Variants in GCSAM observed in about 807,000 individuals in gnomAD.
The protein encoded by GCSAM is germinal center-associated signaling and motility protein.
A neutral mutation model predicts 17.6 loss-of-function variants in GCSAM; 8 were observed. That is an observed-to-expected ratio of 0.46 (90% CI 0.27 to 0.82). GCSAM has a LOEUF of 0.82. Ranked by LOEUF, GCSAM falls within the 40% of genes least tolerant of loss-of-function variation. The pLI is 0.15. For synonymous variants in GCSAM, 68 were observed against 69.0 expected (o/e 0.98, Z 0.07); for missense variants, 192 against 213.5 (o/e 0.90, Z 0.63).
At chr3:112,130,082 A>G (rs754548453) in intron 2 of GCSAM, 4 of 210,378 alleles carry the variant, frequency 1.9e-5, no homozygotes, top group Non-Finnish European at 3.9e-5. Flanking sequence ...CACTTCAGAA[A>G]TAGACACCTA....
intron 5 of GCSAM, among the ~76,000 whole-genome samples, chr3:112,124,770 G>A (rs183473708): frequency 6.6e-6 from 1 of 152,310 alleles, no homozygotes; most frequent in African/African-American, 2.4e-5. Context: ...AAGCAAAGCA[G>A]CAAAGTACAG....
chr3:112,122,797 A>G lies in GCSAM; in HGVS notation c.*658T>C, dbSNP rs1461618481. 6.6e-6 allele frequency: 1 copy of G among 152,202 alleles called. No homozygotes were observed. The highest frequency in any genetic ancestry group is 1.5e-5 in the Non-Finnish European group (1 of 68,048). The allele number at this position is 152,202 out of a possible 1,614,324, so 9.4% of individuals were successfully genotyped here. A position where few individuals can be genotyped will look rare whatever the true frequency, so the allele number is the denominator to read the frequency against. On this transcript the variant is annotated 3_prime_UTR_variant, in exon 6 of 6. Transcript: ENST00000308910. The stretch of plus-strand genomic sequence containing the variant: ...GGATCGTTCTTCTTAACATTGTCTG[A>G]TGGCATAATTGTCTTATTAAGATTT...
chr3:112,123,388 T>C lies in GCSAM; in HGVS notation c.*67A>G. 6.4e-7 allele frequency: 1 copy of C among 1,568,116 alleles called. No individual in the cohort carries two copies. The highest frequency in any genetic ancestry group is 8.6e-7 in the Non-Finnish European group (1 of 1,157,272). On this transcript the variant is annotated 3_prime_UTR_variant, in exon 6 of 6. Transcript: ENST00000308910. ...GAGGGACTTTGTGTCCCATCCCTGC[T>C]TCAGGCAGATCCCCCATCCCACCTT...
intron 3 of GCSAM, among the ~76,000 whole-genome samples, chr3:112,127,769 G>A (rs547497291): frequency 2.0e-5 from 3 of 152,274 alleles, no homozygotes; most frequent in Non-Finnish European, 4.4e-5. Flanking sequence ...TGTTTTCTAC[G>A]TTAGTAGCTA....
chr3:112,130,457 T>C lies in GCSAM; in HGVS notation c.86A>G (p.Gln29Arg). The change falls in exon 2 of 6, where the codon CAG (glutamine) becomes CGG (arginine). Residue 29 changes from glutamine to arginine, a missense_variant. Coordinates refer to ENST00000308910, the MANE Select transcript of GCSAM (RefSeq NM_152785.5). ...ATTTTGCTCTCACCTGGATGTTCTC[T>C]GTTTGGGGCTTTGCATTCTCACATT... ...PWNVRMQSPK[Q>R]RTSRCWDHHI... 1 of 1,614,028 alleles carries C rather than the reference T, an allele frequency of 6.2e-7. No homozygotes were observed. The highest frequency in any genetic ancestry group is 2.2e-5 in the East Asian group (1 of 44,874).
chr3:112,132,749 G>A (rs1181610005), intron 1 of GCSAM: 18 of 691,798 alleles, frequency 2.6e-5, no homozygotes, highest in Non-Finnish European at 3.2e-5. Context: ...CCTCCTTGTG[G>A]AGCATGAGGA....
In GCSAM at chr3:112,122,295, C is replaced by G. The variant is rs1283044004; in HGVS notation, c.*1160G>C. On this transcript the variant is annotated 3_prime_UTR_variant, in exon 6 of 6. Transcript: ENST00000308910. Reference sequence around the variant, plus strand: ...GGGCCTATGGTCCATGTCACAATTACTCAACTCTCCCATGGTTGAACAATC... The same window carrying G: ...GGGCCTATGGTCCATGTCACAATTAGTCAACTCTCCCATGGTTGAACAATC... The G allele has an allele frequency of 6.6e-6, 1 of 152,194 alleles. No homozygotes were observed. The highest frequency in any genetic ancestry group is 1.9e-4 in the East Asian group (1 of 5,196). 9.4% of individuals were successfully genotyped at this position (152,194 alleles called of 1,614,324 possible).
chr3:112,125,918 C>T (rs1431149983), intron 4 of GCSAM, among the ~76,000 whole-genome samples: 1 of 152,176 alleles, frequency 6.6e-6, no homozygotes, highest in African/African-American at 2.4e-5. Context: ...AAACTGACAC[C>T]CTTGCTACCC....
chr3:112,122,551 A>G lies in GCSAM; in HGVS notation c.*904T>C, dbSNP rs1245150745. ...ATATGTGTTAATTTCCTATGTGGAC[A>G]TTTTATTCATATTTTATACATGACA... On this transcript the variant is annotated 3_prime_UTR_variant, in exon 6 of 6. Transcript: ENST00000308910. 6.6e-6 allele frequency: 1 copy of G among 152,182 alleles called. No individual in the cohort carries two copies. The allele number at this position is 152,182 out of a possible 1,614,324, so 9.4% of individuals were successfully genotyped here. A position where few individuals can be genotyped will look rare whatever the true frequency, so the allele number is the denominator to read the frequency against.
intron 4 of GCSAM, among the ~76,000 whole-genome samples, chr3:112,126,581 G>A (rs553788197): frequency 6.6e-5 from 10 of 152,170 alleles, no homozygotes; most frequent in South Asian, 2.1e-4. Flanking sequence ...ACTTGCCCCC[G>A]CCTCCCCACT....
In GCSAM at chr3:112,121,825, C is replaced by T. The variant is rs952984465; in HGVS notation, c.*1630G>A. Reference sequence around the variant, plus strand: ...ATTTCTCCTCTTTTGGGAGTCAGCACATTTTACATAGGAAAGTTATTTAGC... The same window carrying T: ...ATTTCTCCTCTTTTGGGAGTCAGCATATTTTACATAGGAAAGTTATTTAGC... On this transcript the variant is annotated 3_prime_UTR_variant, in exon 6 of 6. Transcript: ENST00000308910. 7 of 152,180 alleles carry T rather than the reference C, an allele frequency of 4.6e-5. No individual in the cohort carries two copies. Among genetic ancestry groups the T allele is most frequent in the Non-Finnish European group, 7.3e-5 (5 of 68,034 alleles). 9.4% of individuals were successfully genotyped at this position (152,180 alleles called of 1,614,324 possible).
chr3:112,132,494 G>A, intron 1 of GCSAM: 1 of 223,768 alleles, frequency 4.5e-6, no homozygotes, highest in Non-Finnish European at 7.5e-6. Flanking sequence ...CCTACTTTAT[G>A]TCAGGCACTA....
rs2074201240 is a variant in GCSAM, at chr3:112,121,605, C to T, written c.*1850G>A. ...CATGTTACATCTTGTACAATATCCA[C>T]TGCTAACTGAATATTTCCTTTTGAG... On this transcript the variant is annotated 3_prime_UTR_variant, in exon 6 of 6. Coordinates refer to ENST00000308910, the MANE Select transcript of GCSAM (RefSeq NM_152785.5). 1 of 152,218 alleles carries T rather than the reference C, an allele frequency of 6.6e-6. No individual in the cohort carries two copies. Among genetic ancestry groups the T allele is most frequent in the Admixed American group, 6.5e-5 (1 of 15,288 alleles). The allele number at this position is 152,218 out of a possible 1,614,324, so 9.4% of individuals were successfully genotyped here.
intron 4 of GCSAM, among the ~76,000 whole-genome samples, chr3:112,126,744 T>C (rs1167245082): frequency 6.6e-6 from 1 of 152,200 alleles, no homozygotes; most frequent in Non-Finnish European, 1.5e-5. Context: ...TGCCCCCAGT[T>C]ACTGCCTTCA....
At chr3:112,127,605 C>T (rs981917060) in intron 3 of GCSAM, among the ~76,000 whole-genome samples, 1 of 152,164 alleles carries the variant, frequency 6.6e-6, no homozygotes, top group Non-Finnish European at 1.5e-5. Context: ...ACTTAGCGAG[C>T]TTTAACTATT....
chr3:112,127,636 C>T (rs928766713), intron 3 of GCSAM, among the ~76,000 whole-genome samples: 3 of 152,166 alleles, frequency 2.0e-5, no homozygotes. Context: ...CTTTCACTCT[C>T]AAAGGTATCT....
Position 112,123,399 on chromosome 3 carries a change from C to T in GCSAM, c.*56G>A. 2 of 1,574,222 alleles carry T rather than the reference C, an allele frequency of 1.3e-6. No homozygotes were observed. The highest frequency in any genetic ancestry group is 1.2e-5 in the South Asian group (1 of 82,382). ...TGTCCCATCCCTGCTTCAGGCAGAT[C>T]CCCCATCCCACCTTTTATTTGTTGG... On this transcript the variant is annotated 3_prime_UTR_variant, in exon 6 of 6. Transcript: ENST00000308910.
chr3:112,127,478 A>T (rs2074354163), intron 3 of GCSAM, among the ~76,000 whole-genome samples: 1 of 152,240 alleles, frequency 6.6e-6, no homozygotes, highest in Admixed American at 6.5e-5. Flanking sequence ...GACTCCCTGA[A>T]AAAATGTGAT....
chr3:112,121,560 C>T lies in GCSAM; in HGVS notation c.*1895G>A, dbSNP rs1239181392. 6.6e-6 allele frequency: 1 copy of T among 152,120 alleles called. No individual in the cohort carries two copies. The highest frequency in any genetic ancestry group is 6.5e-5 in the Admixed American group (1 of 15,272). 9.4% of individuals were successfully genotyped at this position (152,120 alleles called of 1,614,324 possible). A position where few individuals can be genotyped will look rare whatever the true frequency, so the allele number is the denominator to read the frequency against. ...AGTGACTGATGATCTGTCGCTGGGT[C>T]TACACTCTTTCCTCTAAGCCATGTT... On this transcript the variant is annotated 3_prime_UTR_variant, in exon 6 of 6. Coordinates refer to ENST00000308910, the MANE Select transcript of GCSAM (RefSeq NM_152785.5).
Sources: allele counts gnomAD v4.1 joint callset (sites outside exome capture counted in the v4.1 genomes callset), GRCh38; gene constraint gnomAD v4.1.1; transcripts MANE v1.5; gene names NCBI Gene and HGNC (gene_info 2026-07-23, HGNC 2026-07-21).